TDRP: variants seen among roughly 807,000 people sequenced by gnomAD.
TDRP encodes the protein testis development-related protein.
Under a neutral mutation model 10.5 loss-of-function variants are expected in TDRP, and 12 were observed. That is an observed-to-expected ratio of 1.15 (90% CI 0.73 to 1.86). The LOEUF (loss-of-function observed/expected upper bound fraction) is 1.86, where lower values mean the gene tolerates loss of function less well. Ranked by LOEUF, TDRP falls within the 40% of genes most tolerant of loss-of-function variation. TDRP has a pLI of 0.00. For synonymous variants in TDRP, 139 were observed against 95.4 expected, an observed-to-expected ratio of 1.46 and a Z score of -2.67; for missense variants, 353 against 229.2, an observed-to-expected ratio of 1.54 and a Z score of -3.49.
chr8:516,811 G>A (rs935731814), intron 1 of TDRP, among the ~76,000 whole-genome samples: 5 of 152,184 alleles, frequency 3.3e-5, no homozygotes, highest in Non-Finnish European at 7.3e-5. Context: ...CTTACATATG[G>A]ATGTTTATGG....
Position 492,254 on chromosome 8 carries a change from A to G in TDRP, c.*145T>C. 2 of 1,336,072 alleles carry G rather than the reference A, an allele frequency of 1.5e-6. No individual in the cohort carries two copies. Among genetic ancestry groups the G allele is most frequent in the Non-Finnish European group, 1.9e-6 (2 of 1,046,808 alleles). The allele number at this position is 1,336,072 out of a possible 1,614,324, so 82.8% of individuals were successfully genotyped here. On this transcript the variant is annotated 3_prime_UTR_variant, in exon 3 of 3. Coordinates refer to ENST00000324079, the MANE Select transcript of TDRP (RefSeq NM_001384899.1). ...GGAGTCACAGTGTGTGTGAGAGTTC[A>G]TTAAATAAAGAAACAGAGGTCCAAA...
intron 1 of TDRP, among the ~76,000 whole-genome samples, chr8:526,295 G>C (rs1006690850): frequency 1.3e-5 from 2 of 152,122 alleles, no homozygotes; most frequent in South Asian, 2.1e-4. Context: ...ACCATGCCCA[G>C]ACTCTAGTTC....
intron 1 of TDRP, among the ~76,000 whole-genome samples, chr8:511,261 AACTG>A (rs1801609550): frequency 2.0e-5 from 3 of 152,226 alleles, no homozygotes; most frequent in Non-Finnish European, 1.5e-5. Flanking sequence ...CAAAGATAAA[AACTG>A]ACTGAAAGTG....
chr8:498,261 T>G (rs894372974), intron 1 of TDRP, among the ~76,000 whole-genome samples: 8 of 152,216 alleles, frequency 5.3e-5, no homozygotes, highest in Non-Finnish European at 1.0e-4. Context: ...CAAATGGGGC[T>G]GTACCCTGCA....
chr8:540,177 C>G (rs986666181), intron 1 of TDRP, among the ~76,000 whole-genome samples: 1 of 152,142 alleles, frequency 6.6e-6, no homozygotes, highest in Non-Finnish European at 1.5e-5. Flanking sequence ...GGTTAGAAGA[C>G]GGCTCAGCAA....
intron 1 of TDRP, among the ~76,000 whole-genome samples, chr8:529,561 G>A (rs1448086): frequency 0.69 from 105,302 of 151,958 alleles, 36,864 homozygotes; most frequent in African/African-American, 0.74. Flanking sequence ...TCTAGTGGTG[G>A]TGAACTTCTT....
At chr8:518,549 AG>A (rs1801815355) in intron 1 of TDRP, among the ~76,000 whole-genome samples, 1 of 152,198 alleles carries the variant, frequency 6.6e-6, no homozygotes, top group South Asian at 2.1e-4. Context: ...ATGACAAAAA[AG>A]GAAAAAGAAC....
chr8:536,335 C>T (rs1802347816), intron 1 of TDRP, among the ~76,000 whole-genome samples: 1 of 152,130 alleles, frequency 6.6e-6, no homozygotes, highest in South Asian at 2.1e-4. Context: ...CTGTGCTTTC[C>T]AAATCAGTTG....
rs181653050 is a variant in TDRP, at chr8:524,954, G to C, written c.108+19696C>G. 4.1e-3 allele frequency among the ~76,000 whole-genome samples: 620 copies of C among 152,210 alleles called. 4 individuals are homozygous for C. Among genetic ancestry groups the C allele is most frequent in the African/African-American group, 0.013 (560 of 41,526 alleles). On this transcript the variant is annotated intron_variant, in intron 1 of 2. Transcript: ENST00000324079. ...CCTAGAGAAAGACATCTATATTCAA[G>C]TACAAGAAGATTATAGAACACCAAG...
chr8:500,819 G>A (rs1331521138), intron 1 of TDRP, among the ~76,000 whole-genome samples: 1 of 152,210 alleles, frequency 6.6e-6, no homozygotes, highest in South Asian at 2.1e-4. Context: ...AGGCTGAACA[G>A]TGACACCTAA....
chr8:499,462 T>C (rs947817485), intron 1 of TDRP, among the ~76,000 whole-genome samples: 1 of 152,164 alleles, frequency 6.6e-6, no homozygotes, highest in African/African-American at 2.4e-5. Context: ...GCACATCCCA[T>C]CAGATGACCC....
chr8:529,937 T>A (rs1415070805), intron 1 of TDRP, among the ~76,000 whole-genome samples: 1 of 152,194 alleles, frequency 6.6e-6, no homozygotes, highest in East Asian at 1.9e-4. Context: ...ATATTTGGGA[T>A]GTTTTGCACC....
chr8:543,651 C>A (rs1293023457), intron 1 of TDRP, among the ~76,000 whole-genome samples: 1 of 151,934 alleles, frequency 6.6e-6, no homozygotes, highest in Non-Finnish European at 1.5e-5. Context: ...ACATAATCGG[C>A]TCCATTTTCC....
intron 1 of TDRP, among the ~76,000 whole-genome samples, chr8:520,369 G>A (rs925611511): frequency 1.3e-5 from 2 of 152,112 alleles, no homozygotes; most frequent in African/African-American, 4.8e-5. Flanking sequence ...AGACATGGAG[G>A]CTGCTTCTCC....
At chr8:514,315 A>G (rs972194725) in intron 1 of TDRP, among the ~76,000 whole-genome samples, 1 of 152,246 alleles carries the variant, frequency 6.6e-6, no homozygotes, top group African/African-American at 2.4e-5. Flanking sequence ...ATATAAGGTC[A>G]ATTGATTTTC....
chr8:535,015 C>G (rs187824946), intron 1 of TDRP, among the ~76,000 whole-genome samples: 2 of 152,170 alleles, frequency 1.3e-5, no homozygotes, highest in African/African-American at 2.4e-5. Flanking sequence ...ACAACAGCAG[C>G]CTTGATAAAA....
intron 1 of TDRP, among the ~76,000 whole-genome samples, chr8:541,683 A>G (rs993731627): frequency 6.6e-6 from 1 of 152,210 alleles, no homozygotes; most frequent in African/African-American, 2.4e-5. Flanking sequence ...TCATCAGGGA[A>G]TCGCAATTCA....
chr8:494,671 C>T, intron 1 of TDRP, 74 bp from the exon 2 acceptor site: 1 of 1,324,716 alleles, frequency 7.5e-7, no homozygotes, highest in Admixed American at 1.8e-5. Context: ...CTCCAATAAC[C>T]ATGGAGTTGA....
At chr8:501,187 C>G (rs1489787304) in intron 1 of TDRP, among the ~76,000 whole-genome samples, 1 of 151,580 alleles carries the variant, frequency 6.6e-6, no homozygotes, top group Non-Finnish European at 1.5e-5. Context: ...GCCTGGGCGA[C>G]AGAGTGAGAC....
Sources: gnomAD v4.1 joint callset for allele counts (sites outside exome capture counted in the v4.1 genomes callset) on GRCh38, gnomAD v4.1.1 for gene constraint, MANE v1.5 for transcripts, NCBI Gene and HGNC (gene_info 2026-07-23, HGNC 2026-07-21) for gene names.